The following RBFOX1 variants were observed in gnomAD, a reference collection of about 807,000 sequenced individuals.
The protein encoded by RBFOX1 is RNA binding protein fox-1 homolog 1.
A neutral mutation model predicts 57.7 loss-of-function variants in RBFOX1; 8 were observed. That is an observed-to-expected ratio of 0.14 (90% CI 0.08 to 0.25). The LOEUF (loss-of-function observed/expected upper bound fraction) is 0.25, where lower values mean the gene tolerates loss of function less well. RBFOX1 is among the 10% of genes least tolerant of loss of function. The probability of loss-of-function intolerance (pLI) is 1.00; values close to 1 mark genes in which losing one functional copy is unlikely to be tolerated. For missense variants in RBFOX1, 611 were observed against 548.5 expected (o/e 1.11, Z -1.14); for synonymous variants, 326 against 222.4 (o/e 1.47, Z -4.15).
Position 6,098,457 on chromosome 16 carries a change from C to T in RBFOX1, c.-127+78465C>T, listed in dbSNP as rs535777082. ...TTAGCTTTGTGTCTTTAACCCCAGC[C>T]TCGGGAGGCCCAGGTTCAAGGTTAG... On this transcript the variant is annotated intron_variant, in intron 1 of 15. Transcript: ENST00000550418. 1.2e-4 allele frequency among the ~76,000 whole-genome samples: 18 copies of T among 152,338 alleles called. No individual in the cohort carries two copies. The South Asian group carries it at 3.5e-3, about 30-fold the overall frequency.
At chr16:7,530,116 T>C (rs777865341) in intron 5 of RBFOX1, among the ~76,000 whole-genome samples, 5 of 152,044 alleles carry the variant, frequency 3.3e-5, no homozygotes, top group East Asian at 1.9e-4. Flanking sequence ...AGTGCAGAGA[T>C]TCATAGAATG....
chr16:7,567,845 C>CTA (rs929841322), intron 5 of RBFOX1, among the ~76,000 whole-genome samples: 219 of 144,672 alleles, frequency 1.5e-3, no homozygotes, highest in African/African-American at 5.3e-3. Context: ...ATATATATAC[C>CTA]TATATATATC....
At chr16:5,461,641 C>A (rs1326307563) in intron 1 of RBFOX1, among the ~76,000 whole-genome samples, 1 of 152,136 alleles carries the variant, frequency 6.6e-6, no homozygotes, top group Non-Finnish European at 1.5e-5. Flanking sequence ...CAAGCCCGAG[C>A]CTTGTAATTA....
At chr16:6,879,732 C>T (rs183821116) in intron 3 of RBFOX1, among the ~76,000 whole-genome samples, 2 of 152,176 alleles carry the variant, frequency 1.3e-5, no homozygotes, top group East Asian at 3.9e-4. Flanking sequence ...AATTCTACCT[C>T]TGGATCCTAC....
intron 4 of RBFOX1, among the ~76,000 whole-genome samples, chr16:7,108,630 G>A (rs969490517): frequency 6.6e-5 from 10 of 152,100 alleles, no homozygotes; most frequent in African/African-American, 1.9e-4. Context: ...TTGTAAAATA[G>A]GAAAGTCTAC....
intron 4 of RBFOX1, among the ~76,000 whole-genome samples, chr16:7,333,776 T>C (rs113306128): frequency 2.6e-4 from 38 of 145,284 alleles, no homozygotes; most frequent in Non-Finnish European, 4.4e-4. Flanking sequence ...CCTTTTTTTT[T>C]CCCCCTCATC....
At chr16:6,064,703 G>A (rs990325397) in intron 1 of RBFOX1, among the ~76,000 whole-genome samples, 6 of 152,042 alleles carry the variant, frequency 3.9e-5, no homozygotes, top group African/African-American at 1.4e-4. Flanking sequence ...ACCACACCCA[G>A]CTAATTTTTT....
intron 1 of RBFOX1, among the ~76,000 whole-genome samples, chr16:5,357,466 T>A (rs2065422561): frequency 1.3e-5 from 2 of 152,030 alleles, no homozygotes; most frequent in Admixed American, 1.3e-4. Context: ...GGAGACTGAG[T>A]CCCACAGGGA....
intron 3 of RBFOX1, among the ~76,000 whole-genome samples, chr16:6,812,319 A>C (rs764076109): frequency 5.3e-5 from 8 of 152,294 alleles, no homozygotes; most frequent in Middle Eastern, 3.4e-3. Context: ...GAACCTTAGA[A>C]AGGAAACACA....
In RBFOX1 at chr16:5,977,210, C is replaced by G. The variant is rs565895056; in HGVS notation, c.351+109875C>G. Among the ~76,000 whole-genome samples, 10 of 152,306 alleles carry G rather than the reference C, an allele frequency of 6.6e-5. No homozygotes were observed. The East Asian group carries it at 1.9e-3, about 29-fold the overall frequency. On this transcript the variant is annotated intron_variant, in intron 4 of 19. Transcript: ENST00000641259. ...CTGAGGTTGCTGCTCCTTCCAAAAACTCTGGTGACTTTGGAAAAATGGTTG... is the reference window on the plus strand; with the variant it reads ...CTGAGGTTGCTGCTCCTTCCAAAAAGTCTGGTGACTTTGGAAAAATGGTTG...
chr16:7,077,576 G>T (rs1190106223), intron 4 of RBFOX1, among the ~76,000 whole-genome samples: 1 of 152,144 alleles, frequency 6.6e-6, no homozygotes, highest in East Asian at 1.9e-4. Context: ...GATGAAATTT[G>T]CTGCTAAGTT....
chr16:6,923,654 G>T (rs752764631), intron 3 of RBFOX1, among the ~76,000 whole-genome samples: 1 of 152,162 alleles, frequency 6.6e-6, no homozygotes, highest in East Asian at 1.9e-4. Flanking sequence ...AGATGCATCA[G>T]ATATACCCAC....
chr16:6,965,594 C>T (rs1016536831), intron 3 of RBFOX1, among the ~76,000 whole-genome samples: 2 of 152,186 alleles, frequency 1.3e-5, no homozygotes, highest in Non-Finnish European at 2.9e-5. Flanking sequence ...AACTTGGCTT[C>T]CCAAAGTGCT....
chr16:6,104,607 A>G (rs548457286), intron 1 of RBFOX1, among the ~76,000 whole-genome samples: 3 of 152,282 alleles, frequency 2.0e-5, no homozygotes, highest in Admixed American at 6.5e-5. Context: ...CCACTAATCT[A>G]TCGTGTTCCT....
intron 14 of RBFOX1, among the ~76,000 whole-genome samples, chr16:7,695,335 C>A (rs1345965825): frequency 6.6e-6 from 1 of 152,134 alleles, no homozygotes; most frequent in African/African-American, 2.4e-5. Context: ...ACTGCTCAGT[C>A]AACAAAGGTT....
At chr16:5,974,825 A>G (rs1469652862) in intron 4 of RBFOX1, among the ~76,000 whole-genome samples, 4 of 151,994 alleles carry the variant, frequency 2.6e-5, no homozygotes, top group East Asian at 1.9e-4. Flanking sequence ...CCTGACCAAC[A>G]TGGAGAAACC....
At chr16:6,858,309 A>AT (rs1239293934) in intron 3 of RBFOX1, among the ~76,000 whole-genome samples, 6 of 152,296 alleles carry the variant, frequency 3.9e-5, no homozygotes, top group African/African-American at 1.4e-4. Flanking sequence ...GAGAGACTAG[A>AT]TTAGGATATC....
At chr16:6,616,475 G>T (rs1407724498) in intron 2 of RBFOX1, among the ~76,000 whole-genome samples, 2 of 151,928 alleles carry the variant, frequency 1.3e-5, no homozygotes, top group Non-Finnish European at 2.9e-5. Flanking sequence ...AGGAGATCGA[G>T]ACCATCCTGG....
chr16:6,734,693 A>G lies in RBFOX1; in HGVS notation c.-16+80043A>G, dbSNP rs538989679. Reference sequence around the variant, plus strand: ...CATATTTTATCTTATTTGTGAGGGAAGAGTCAGAAAGCAGCACTAGACTTC... The same window carrying G: ...CATATTTTATCTTATTTGTGAGGGAGGAGTCAGAAAGCAGCACTAGACTTC... On this transcript the variant is annotated intron_variant, in intron 3 of 15. Transcript: ENST00000550418. Among the ~76,000 whole-genome samples the G allele has an allele frequency of 2.0e-5, 3 of 152,300 alleles. No individual in the cohort carries two copies. In the South Asian group the frequency reaches 6.2e-4, roughly 32 times the overall value.
Sources: gnomAD v4.1 joint callset for allele counts (sites outside exome capture counted in the v4.1 genomes callset) on GRCh38, gnomAD v4.1.1 for gene constraint, MANE v1.5 for transcripts, NCBI Gene and HGNC (gene_info 2026-07-23, HGNC 2026-07-21) for gene names.